The following DGKI variants were observed in gnomAD, a reference collection of about 807,000 sequenced individuals.
The protein encoded by DGKI is diacylglycerol kinase iota.
Under a neutral mutation model 147.5 loss-of-function variants are expected in DGKI, and 55 were observed. The ratio of observed to expected loss-of-function variants is 0.37; its 90% CI spans 0.30 to 0.47. The LOEUF (loss-of-function observed/expected upper bound fraction) is 0.47, where lower values mean the gene tolerates loss of function less well. Among genes scored for constraint, DGKI ranks in the 20% least tolerant of loss-of-function variants. The probability of loss-of-function intolerance (pLI) is 1.00; values close to 1 mark genes in which losing one functional copy is unlikely to be tolerated. For missense variants in DGKI, 1,007 were observed against 1,323.8 expected (o/e 0.76, Z 3.71); for synonymous variants, 469 against 477.1 (o/e 0.98, Z 0.22).
intron 15 of DGKI, 96 bp from the exon 16 acceptor site, chr7:137,578,421 T>C: frequency 1.2e-6 from 1 of 843,452 alleles, no homozygotes; most frequent in South Asian, 1.5e-5. Context: ...CCTCCTATCC[T>C]ACAGATCCAA....
intron 28 of DGKI, among the ~76,000 whole-genome samples, chr7:137,443,749 A>T (rs2288145): frequency 0.34 from 52,241 of 151,880 alleles, 9,830 homozygotes; most frequent in East Asian, 0.64. Flanking sequence ...CATTTTAAGG[A>T]TAAAAATCTG....
chr7:137,517,199 AAAAGAAAAGT>A (rs1326344521), intron 21 of DGKI, among the ~76,000 whole-genome samples: 2 of 149,932 alleles, frequency 1.3e-5, no homozygotes, highest in African/African-American at 2.5e-5. Context: ...AAAAGAAAAG[AAAAGAAAAGT>A]AAAGAAAAGA....
At chr7:137,803,634 C>G (rs1797279151) in intron 1 of DGKI, among the ~76,000 whole-genome samples, 1 of 152,198 alleles carries the variant, frequency 6.6e-6, no homozygotes, top group Admixed American at 6.5e-5. Flanking sequence ...TTTGAAGTCT[C>G]TGGAAAACTT....
At chr7:137,470,897 C>T (rs1814856058) in intron 23 of DGKI, among the ~76,000 whole-genome samples, 1 of 152,168 alleles carries the variant, frequency 6.6e-6, no homozygotes, top group South Asian at 2.1e-4. Flanking sequence ...GACTAGCTTG[C>T]TTCCCTGACT....
At chr7:137,614,418 A>G (rs1343427923) in intron 8 of DGKI, among the ~76,000 whole-genome samples, 3 of 152,186 alleles carry the variant, frequency 2.0e-5, no homozygotes, top group Non-Finnish European at 4.4e-5. Context: ...AAGTATATGC[A>G]CTGGTATTTG....
At chr7:137,692,206 C>G (rs1223941527) in intron 1 of DGKI, among the ~76,000 whole-genome samples, 2 of 152,156 alleles carry the variant, frequency 1.3e-5, no homozygotes, top group Non-Finnish European at 2.9e-5. Flanking sequence ...TTAGGATTTT[C>G]TCTGGCTTTG....
intron 12 of DGKI, among the ~76,000 whole-genome samples, chr7:137,590,698 G>GC (rs1563101089): frequency 6.6e-6 from 1 of 151,806 alleles, no homozygotes; most frequent in Non-Finnish European, 1.5e-5. Flanking sequence ...CTGTGTTGTT[G>GC]TTTTTTTTGT....
chr7:137,607,433 G>A (rs576049402), intron 10 of DGKI, among the ~76,000 whole-genome samples: 4 of 152,110 alleles, frequency 2.6e-5, no homozygotes, highest in South Asian at 2.1e-4. Context: ...TGAAGTCCCC[G>A]TCATTAATAA....
intron 16 of DGKI, 119 bp downstream of exon 16, chr7:137,578,151 T>C: frequency 1.5e-6 from 1 of 654,734 alleles, no homozygotes; most frequent in South Asian, 2.0e-5. Context: ...TAACCATAGA[T>C]AGACATATAT....
In DGKI at chr7:137,415,635, T is replaced by C. The variant is rs181874805; in HGVS notation, c.2762-3428A>G. On this transcript the variant is annotated intron_variant, in intron 28 of 32. Coordinates refer to ENST00000614521, the MANE Select transcript of DGKI (RefSeq NM_001321708.2). ...GAGAAAGAAGGTTAGGAAAGTTGCA[T>C]GAGGGAGCAGTTAATGCAAAGCCTT... 3.1e-3 allele frequency among the ~76,000 whole-genome samples: 476 copies of C among 152,296 alleles called. 2 individuals are homozygous for C. Among genetic ancestry groups the C allele is most frequent in the Middle Eastern group, 6.8e-3 (2 of 294 alleles).
At chr7:137,639,843 A>G (rs1441529025) in intron 6 of DGKI, among the ~76,000 whole-genome samples, 6 of 152,146 alleles carry the variant, frequency 3.9e-5, no homozygotes, top group Non-Finnish European at 7.4e-5. Flanking sequence ...CTTTTAAAAA[A>G]AATTCTTTGG....
At chr7:137,460,123 G>T (rs954935807) in intron 27 of DGKI, among the ~76,000 whole-genome samples, 4 of 152,068 alleles carry the variant, frequency 2.6e-5, no homozygotes, top group Non-Finnish European at 4.4e-5. Flanking sequence ...CCCCCAAGTT[G>T]ACTGGGGCTT....
intron 1 of DGKI, among the ~76,000 whole-genome samples, chr7:137,716,038 G>A (rs1437773125): frequency 1.3e-5 from 2 of 152,310 alleles, no homozygotes; most frequent in South Asian, 4.1e-4. Context: ...AGGCATGAAG[G>A]TGGATGGCTG....
intron 21 of DGKI, among the ~76,000 whole-genome samples, chr7:137,508,090 T>C (rs180673912): frequency 0.011 from 1,652 of 152,186 alleles, 23 homozygotes; most frequent in Non-Finnish European, 0.014. Context: ...TACTAAGAAG[T>C]TGAGACTTTA....
intron 12 of DGKI, among the ~76,000 whole-genome samples, chr7:137,587,491 C>T (rs962750256): frequency 1.3e-5 from 2 of 152,156 alleles, no homozygotes; most frequent in African/African-American, 4.8e-5. Flanking sequence ...TTGTAAATTT[C>T]TCAGAGTTTA....
chr7:137,624,571 C>A (rs536906994), intron 6 of DGKI, among the ~76,000 whole-genome samples: 1 of 152,098 alleles, frequency 6.6e-6, no homozygotes, highest in African/African-American at 2.4e-5. Context: ...TATATACTAC[C>A]GAGCATTTCC....
chr7:137,414,710 C>T (rs188217389), intron 28 of DGKI, among the ~76,000 whole-genome samples: 10 of 152,188 alleles, frequency 6.6e-5, no homozygotes, highest in Admixed American at 6.5e-4. Context: ...TCATCATGCA[C>T]AGAACTCTAC....
At chr7:137,737,175 T>C (rs1795046521) in intron 1 of DGKI, among the ~76,000 whole-genome samples, 2 of 139,552 alleles carry the variant, frequency 1.4e-5, no homozygotes, top group South Asian at 4.4e-4. Context: ...TAGTTTTACT[T>C]CAAAGCATTC....
At chr7:137,460,817 G>A (rs908080576) in intron 27 of DGKI, among the ~76,000 whole-genome samples, 1 of 152,124 alleles carries the variant, frequency 6.6e-6, no homozygotes, top group Non-Finnish European at 1.5e-5. Flanking sequence ...TTGAAAGAAA[G>A]ATATAATGCA....
Sources: gnomAD v4.1 joint callset for allele counts (sites outside exome capture counted in the v4.1 genomes callset) on GRCh38, gnomAD v4.1.1 for gene constraint, MANE v1.5 for transcripts, NCBI Gene and HGNC (gene_info 2026-07-23, HGNC 2026-07-21) for gene names.